The following MYH14 variants were observed in gnomAD, a reference collection of about 807,000 sequenced individuals.
MYH14 encodes myosin-14.
In MYH14, 123 loss-of-function variants were observed where a neutral mutation model predicts 255.5. The observed-to-expected ratio is 0.48, with a 90% confidence interval of 0.42 to 0.56. MYH14 has a LOEUF of 0.56. Ranked by LOEUF, MYH14 falls within the 20% of genes least tolerant of loss-of-function variation. The pLI is 0.00. For synonymous variants in MYH14, 1,095 were observed against 1,161.2 expected (o/e 0.94, Z 1.16); for missense variants, 2,423 against 2,802.3 (o/e 0.86, Z 3.06).
chr19:50,238,288 C>T (rs2033748633), intron 10 of MYH14, among the ~76,000 whole-genome samples: 1 of 152,202 alleles, frequency 6.6e-6, no homozygotes, highest in Non-Finnish European at 1.5e-5. Context: ...GGCACAAACA[C>T]AGCTTCCTAA....
At chr19:50,228,763 C>T (rs2033231740) in intron 8 of MYH14, among the ~76,000 whole-genome samples, 1 of 152,196 alleles carries the variant, frequency 6.6e-6, no homozygotes, top group South Asian at 2.1e-4. Context: ...TGCTCACTTT[C>T]TCCTGTCCAC....
chr19:50,300,270 G>A (rs190973702), intron 39 of MYH14, among the ~76,000 whole-genome samples: 7 of 152,284 alleles, frequency 4.6e-5, no homozygotes, highest in African/African-American at 1.7e-4. Flanking sequence ...CATGTTCAGA[G>A]ACAGGAAGCA....
In MYH14 at chr19:50,293,150, G is replaced by A. The variant is rs1057329584; in HGVS notation, c.5257-83G>A. ...ATGAGAAAAAAGCCAAGAGCCTTGAGGTGTGAGGGACAGAGAAAGGGGTGA... is the reference window on the plus strand; with the variant it reads ...ATGAGAAAAAAGCCAAGAGCCTTGAAGTGTGAGGGACAGAGAAAGGGGTGA... On this transcript the variant is annotated intron_variant, in intron 37 of 42. Transcript: ENST00000642316. This position sits in a 1 kb window ranked among gnomAD's most constrained non-coding sequence, Gnocchi z 4.1. 4 of 959,378 alleles carry A rather than the reference G, an allele frequency of 4.2e-6. No homozygotes were observed. Among genetic ancestry groups the A allele is most frequent in the African/African-American group, 3.2e-5 (2 of 61,624 alleles). The allele number at this position is 959,378 out of a possible 1,614,324, so 59.4% of individuals were successfully genotyped here.
chr19:50,293,172 G>A lies in MYH14; in HGVS notation c.5257-61G>A, dbSNP rs1007923500. 7.2e-5 allele frequency: 88 copies of A among 1,223,310 alleles called. No individual in the cohort carries two copies. Among genetic ancestry groups the A allele is most frequent in the Non-Finnish European group, 1.0e-4 (85 of 846,642 alleles). 75.8% of individuals were successfully genotyped at this position (1,223,310 alleles called of 1,614,324 possible). A position where few individuals can be genotyped will look rare whatever the true frequency, so the allele number is the denominator to read the frequency against. The stretch of plus-strand genomic sequence containing the variant: ...TGAGGTGTGAGGGACAGAGAAAGGG[G>A]TGAGACCCGTGCCCAGATTGCTTCT... On this transcript the variant is annotated intron_variant, in intron 37 of 42. Coordinates refer to ENST00000642316, the MANE Select transcript of MYH14 (RefSeq NM_001145809.2). This position sits in a 1 kb window ranked among gnomAD's most constrained non-coding sequence, Gnocchi z 4.1.
In MYH14 at chr19:50,293,736, G is replaced by C; in HGVS notation, c.5469+49G>C. On this transcript the variant is annotated intron_variant, in intron 39 of 42. Coordinates refer to ENST00000642316, the MANE Select transcript of MYH14 (RefSeq NM_001145809.2). The surrounding 1 kb of genome is among the most constrained non-coding windows in gnomAD (Gnocchi z 4.1). Reference sequence around the variant, plus strand: ...CCAGCCTCAGTCCCCATTGACCTGGGACCGTAACCTTCAGTCCTCTTATTC... The same window carrying C: ...CCAGCCTCAGTCCCCATTGACCTGGCACCGTAACCTTCAGTCCTCTTATTC... 7 of 1,508,618 alleles carry C rather than the reference G, an allele frequency of 4.6e-6. No homozygotes were observed. The highest frequency in any genetic ancestry group is 6.2e-6 in the Non-Finnish European group (7 of 1,127,532). 93.5% of individuals were successfully genotyped at this position (1,508,618 alleles called of 1,614,324 possible).
intron 10 of MYH14, among the ~76,000 whole-genome samples, chr19:50,232,474 A>G (rs976491579): frequency 6.6e-6 from 1 of 151,952 alleles, no homozygotes; most frequent in African/African-American, 2.4e-5. Context: ...GGCACCTGTA[A>G]TCCCAGCTAC....
At chr19:50,264,055 C>CAAAAAAAAA (rs34015428) in intron 22 of MYH14, among the ~76,000 whole-genome samples, 353 of 32,630 alleles carry the variant, frequency 0.011, 2 homozygotes, top group East Asian at 0.027. Context: ...AACTCTGTCT[C>CAAAAAAAAA]AAAAAAAAAA....
In MYH14 at chr19:50,221,157, C is replaced by T. The variant is rs1182596787; in HGVS notation, c.563-1926C>T. Reference sequence around the variant, plus strand: ...GTATGTCACACTGTGTGTTATATTTCCTCCTGTGCCGTGCACTGTGCTGAG... The same window carrying T: ...GTATGTCACACTGTGTGTTATATTTTCTCCTGTGCCGTGCACTGTGCTGAG... On this transcript the variant is annotated intron_variant, in intron 3 of 42. Coordinates refer to ENST00000642316, the MANE Select transcript of MYH14 (RefSeq NM_001145809.2). The surrounding 1 kb of genome is among the most constrained non-coding windows in gnomAD (Gnocchi z 5.3). Among the ~76,000 whole-genome samples, 1 of 152,116 alleles carries T rather than the reference C, an allele frequency of 6.6e-6. No individual in the cohort carries two copies. Among genetic ancestry groups the T allele is most frequent in the Non-Finnish European group, 1.5e-5 (1 of 68,020 alleles).
intron 2 of MYH14, among the ~76,000 whole-genome samples, chr19:50,213,700 G>T (rs897321538): frequency 6.6e-6 from 1 of 152,176 alleles, no homozygotes; most frequent in Non-Finnish European, 1.5e-5. Context: ...TCCACATAAG[G>T]TTGTGAGGTA....
chr19:50,246,970 G>A (rs2034153097), intron 11 of MYH14, 34 bp from the exon 12 acceptor site: 1 of 1,497,286 alleles, frequency 6.7e-7, no homozygotes, highest in Non-Finnish European at 9.2e-7. Flanking sequence ...CCTCTTCCCA[G>A]TGCTGATGGA....
rs549486980 is a variant in MYH14, at chr19:50,221,377, G to A, written c.563-1706G>A. 5.3e-5 allele frequency among the ~76,000 whole-genome samples: 8 copies of A among 152,270 alleles called. No homozygotes were observed. The East Asian group carries it at 1.4e-3, about 26-fold the overall frequency. ...CCCATACCAGGCTGCCAAGTCTGAG[G>A]TCCTACTGGACGCAGCTTACTCCCT... On this transcript the variant is annotated intron_variant, in intron 3 of 42. Coordinates refer to ENST00000642316, the MANE Select transcript of MYH14 (RefSeq NM_001145809.2). This position sits in a 1 kb window ranked among gnomAD's most constrained non-coding sequence, Gnocchi z 5.3.
At chr19:50,290,800 C>T in intron 35 of MYH14, 87 bp from the exon 36 acceptor site, 6 of 1,396,724 alleles carry the variant, frequency 4.3e-6, no homozygotes, top group Non-Finnish European at 5.8e-6. Flanking sequence ...TGGGCAGGAG[C>T]TCCAGGGCAG....
Position 50,252,840 on chromosome 19 carries a change from C to A in MYH14, c.1945+87C>A. 1 of 961,116 alleles carries A rather than the reference C, an allele frequency of 1.0e-6. No individual in the cohort carries two copies. The highest frequency in any genetic ancestry group is 1.6e-6 in the Non-Finnish European group (1 of 639,200). The allele number at this position is 961,116 out of a possible 1,614,324, so 59.5% of individuals were successfully genotyped here. On this transcript the variant is annotated intron_variant, in intron 16 of 42. Transcript: ENST00000642316. The surrounding 1 kb of genome is among the most constrained non-coding windows in gnomAD (Gnocchi z 4.2). The stretch of plus-strand genomic sequence containing the variant: ...AGCGTGAGCACCTTTGTTTCAGAGG[C>A]GGAGGTCTGAACCTGAGTTTTCTGC...
chr19:50,283,188 C>G (rs1247568261), intron 33 of MYH14, among the ~76,000 whole-genome samples: 1 of 151,738 alleles, frequency 6.6e-6, no homozygotes, highest in Non-Finnish European at 1.5e-5. Context: ...GGCACGATCT[C>G]AGCTCACTGC....
At chr19:50,251,569 C>CACACATATATATATATATATAT (rs1491546469) in intron 15 of MYH14, among the ~76,000 whole-genome samples, 2 of 121,166 alleles carry the variant, frequency 1.7e-5, no homozygotes, top group African/African-American at 6.4e-5. Context: ...CACACACACA[C>CACACATATATATATATATATAT]ATATATATAT....
intron 12 of MYH14, 60 bp from the exon 13 acceptor site, chr19:50,248,927 C>T (rs770571984): frequency 2.5e-6 from 4 of 1,593,820 alleles, no homozygotes; most frequent in Non-Finnish European, 8.5e-7. Context: ...GGTTCACCCC[C>T]GACGTCTTTC....
chr19:50,277,353 C>A (rs2035547761), intron 29 of MYH14, among the ~76,000 whole-genome samples: 1 of 152,102 alleles, frequency 6.6e-6, no homozygotes, highest in African/African-American at 2.4e-5. Context: ...GTGGCTCTTG[C>A]CTGTAACTTT....
chr19:50,288,359 C>A (rs2035960692), intron 34 of MYH14, among the ~76,000 whole-genome samples: 1 of 152,132 alleles, frequency 6.6e-6, no homozygotes, highest in Admixed American at 6.5e-5. Context: ...GGAGAGAACC[C>A]CTCTCTCCCT....
rs56095197 is a variant in MYH14 at position 50,273,601 on chromosome 19, G to GGTGTGTGTGT, written c.3467+892_3467+901dup. Among the ~76,000 whole-genome samples, 992 of 137,558 alleles carry GGTGTGTGTGT rather than the reference G, an allele frequency of 7.2e-3. 15 individuals are homozygous for GGTGTGTGTGT. The highest frequency in any genetic ancestry group is 0.024 in the African/African-American group (874 of 37,160). 90.2% of individuals were successfully genotyped at this position (137,558 alleles called of 152,430 possible). The stretch of plus-strand genomic sequence containing the variant: ...ATCTTAGAGTTGATGGAACATGGGG[G>GGTGTGTGTGT]GTGTGTGTGTGTGTGTGTGTGTGTG... On this transcript the variant is annotated intron_variant, in intron 27 of 42. Transcript: ENST00000642316.
Sources: allele counts gnomAD v4.1 joint callset (sites outside exome capture counted in the v4.1 genomes callset), GRCh38; gene constraint gnomAD v4.1.1; non-coding constraint Gnocchi (gnomAD v3.1); transcripts MANE v1.5; gene names NCBI Gene and HGNC (gene_info 2026-07-23, HGNC 2026-07-21).